SASH1: variants seen among roughly 807,000 people sequenced by gnomAD.
The protein encoded by SASH1 is SAM and SH3 domain containing 1, also known as SAM and SH3 domain-containing protein 1.
In SASH1, 44 loss-of-function variants were observed where a neutral mutation model predicts 125.2. The ratio of observed to expected loss-of-function variants is 0.35; its 90% CI spans 0.28 to 0.45. The LOEUF is 0.45. SASH1 is among the 20% of genes least tolerant of loss of function. The pLI, the probability that SASH1 is intolerant of heterozygous loss-of-function variation, is 1.00. For missense variants in SASH1, 1,426 were observed against 1,614.5 expected, an observed-to-expected ratio of 0.88 and a Z score of 2.00; for synonymous variants, 639 against 649.1, an observed-to-expected ratio of 0.98 and a Z score of 0.24.
chr6:148,243,782 G>A, the SASH1 span, among the ~76,000 whole-genome samples: 1 of 151,714 alleles, frequency 6.6e-6, no homozygotes, highest in Non-Finnish European at 1.5e-5. Flanking sequence ...TTATAAACGT[G>A]TTAGTAATTG....
chr6:148,498,798 G>A (rs1779429975), intron 8 of SASH1, among the ~76,000 whole-genome samples: 1 of 152,198 alleles, frequency 6.6e-6, no homozygotes, highest in African/African-American at 2.4e-5. Flanking sequence ...TTGGGGATAA[G>A]AGGATTTCCA....
At chr6:148,275,407 T>C (rs1270458800) in intron 1 of SASH1, among the ~76,000 whole-genome samples, 2 of 152,162 alleles carry the variant, frequency 1.3e-5, no homozygotes, top group African/African-American at 2.4e-5. Flanking sequence ...ACTTTTCCAC[T>C]TGTGGTTTCT....
At chr6:148,395,144 G>T (rs1161422147) in intron 2 of SASH1, among the ~76,000 whole-genome samples, 1 of 152,240 alleles carries the variant, frequency 6.6e-6, no homozygotes, top group African/African-American at 2.4e-5. Context: ...TGGGGACAGA[G>T]AATTTTGGGT....
At chr6:148,399,924 G>A (rs1379828157) in intron 2 of SASH1, among the ~76,000 whole-genome samples, 1 of 152,204 alleles carries the variant, frequency 6.6e-6, no homozygotes, top group Non-Finnish European at 1.5e-5. Flanking sequence ...TGCCAAAATT[G>A]TAGTGTGATC....
intron 8 of SASH1, chr6:148,508,830 C>G (rs1035381076): frequency 1.6e-6 from 2 of 1,274,588 alleles, no homozygotes; most frequent in African/African-American, 3.1e-5. Context: ...GTGGGAGGTA[C>G]AGGACGTCTT....
chr6:148,497,324 A>G (rs1779355016), intron 8 of SASH1, among the ~76,000 whole-genome samples: 1 of 151,996 alleles, frequency 6.6e-6, no homozygotes, highest in Non-Finnish European at 1.5e-5. Flanking sequence ...TTTCTCTGGG[A>G]CAGGGGCCAA....
intron 1 of SASH1, among the ~76,000 whole-genome samples, chr6:148,387,028 TCTC>T (rs2114805346): frequency 6.6e-6 from 1 of 152,044 alleles, no homozygotes; most frequent in Non-Finnish European, 1.5e-5. Flanking sequence ...GCTTTCTCTC[TCTC>T]TTTCTTTCTT....
At position 148,272,362 on chromosome 6, in the gene SASH1, G is replaced by A. The variant is rs750566414; in HGVS notation, n.59G>A. 2.2e-4 allele frequency: 102 copies of A among 470,592 alleles called. 1 individual carries two copies. Among genetic ancestry groups the A allele is most frequent in the Middle Eastern group, 1.9e-3 (6 of 3,100 alleles). 29.2% of individuals were successfully genotyped at this position (470,592 alleles called of 1,614,324 possible). On this transcript the variant is annotated non_coding_transcript_exon_variant, in exon 1 of 4. Transcript: ENST00000367469. ...TATGGCCAGCAGCTCACTTCATGGA[G>A]GAACAAGATTGCAGGGTATGTAGGC...
At chr6:148,359,342 A>G (rs1305098442) in intron 1 of SASH1, among the ~76,000 whole-genome samples, 1 of 66,156 alleles carries the variant, frequency 1.5e-5, no homozygotes, top group South Asian at 4.7e-4. Context: ...TTTTTTTTTT[A>G]ACAAATTGAA....
At position 148,388,503 on chromosome 6, in the gene SASH1, C is replaced by T. The variant is rs376496468; in HGVS notation, c.157-1631C>T. ...AGATCTTACTGGCCTTAGAAGAGTC[C>T]TTCTTGTCTCCACACTGTGCTAGGA... On this transcript the variant is annotated intron_variant, in intron 1 of 19. Transcript: ENST00000367467. 7.2e-5 allele frequency among the ~76,000 whole-genome samples: 11 copies of T among 152,306 alleles called. No homozygotes were observed. The East Asian group carries it at 9.6e-4, about 13-fold the overall frequency.
At chr6:148,449,080 T>TTTTCTTTTTTTTTTTC (rs1359501562) in intron 4 of SASH1, among the ~76,000 whole-genome samples, 8 of 112,100 alleles carry the variant, frequency 7.1e-5, no homozygotes, top group African/African-American at 2.3e-4. Flanking sequence ...TTTCATTTCT[T>TTTTCTTTTTTTTTTTC]TTTTTTTTTT....
chr6:148,507,123 A>G (rs1019764877), intron 8 of SASH1, among the ~76,000 whole-genome samples: 3 of 151,866 alleles, frequency 2.0e-5, no homozygotes, highest in African/African-American at 7.3e-5. Flanking sequence ...CTTGCAGGAG[A>G]AAGAAGAGGA....
chr6:148,206,762 C>T, the SASH1 span, among the ~76,000 whole-genome samples: 1 of 147,490 alleles, frequency 6.8e-6, no homozygotes, highest in African/African-American at 2.5e-5. Flanking sequence ...TCCACTCCAG[C>T]CTAAGCAACA....
At chr6:148,515,914 G>A (rs1265852591) in intron 9 of SASH1, among the ~76,000 whole-genome samples, 1 of 152,138 alleles carries the variant, frequency 6.6e-6, no homozygotes, top group African/African-American at 2.4e-5. Context: ...GAGATAACAT[G>A]GGCAAAGTAT....
At chr6:148,245,140 T>C in the SASH1 span, among the ~76,000 whole-genome samples, 1 of 152,162 alleles carries the variant, frequency 6.6e-6, no homozygotes, top group Admixed American at 6.5e-5. Flanking sequence ...TTTAGAATTT[T>C]AGAATCTGCA....
the SASH1 span, among the ~76,000 whole-genome samples, chr6:148,224,354 G>A: frequency 6.7e-6 from 1 of 149,144 alleles, no homozygotes; most frequent in African/African-American, 2.5e-5. Context: ...CATTAGAGAG[G>A]CTTCCCCCCA....
chr6:148,525,167 A>T, intron 10 of SASH1, 124 bp from the exon 11 acceptor site: 1 of 709,836 alleles, frequency 1.4e-6, no homozygotes, highest in Non-Finnish European at 2.5e-6. Flanking sequence ...CTCGTTTTCT[A>T]CTTTCATCCT....
chr6:148,303,358 G>A (rs951082609), intron 1 of SASH1, among the ~76,000 whole-genome samples: 9 of 152,060 alleles, frequency 5.9e-5, no homozygotes, highest in South Asian at 2.1e-4. Flanking sequence ...CAAATGGAAC[G>A]TTCTTCAGGA....
chr6:148,374,896 C>G (rs1782833160), intron 1 of SASH1, among the ~76,000 whole-genome samples: 1 of 152,164 alleles, frequency 6.6e-6, no homozygotes, highest in African/African-American at 2.4e-5. Context: ...GGGGTTTCGC[C>G]ATGTTGGCCA....
Sources: allele counts gnomAD v4.1 joint callset (sites outside exome capture counted in the v4.1 genomes callset), GRCh38; gene constraint gnomAD v4.1.1; transcripts MANE v1.5; gene names NCBI Gene and HGNC (gene_info 2026-07-23, HGNC 2026-07-21).